The following TIA1 variants were observed in gnomAD, a reference collection of about 807,000 sequenced individuals.
TIA1 encodes the protein TIA1 cytotoxic granule associated RNA binding protein, also known as cytotoxic granule associated RNA binding protein TIA1.
Under a neutral mutation model 65.9 loss-of-function variants are expected in TIA1, and 23 were observed. That is an observed-to-expected ratio of 0.35 (90% CI 0.25 to 0.49). The LOEUF (loss-of-function observed/expected upper bound fraction) is 0.49, where lower values mean the gene tolerates loss of function less well. Ranked by LOEUF, TIA1 falls within the 20% of genes least tolerant of loss-of-function variation. TIA1 has a pLI of 0.98. For missense variants in TIA1, 371 were observed against 477.9 expected (o/e 0.78, Z 2.09); for synonymous variants, 147 against 149.4 (o/e 0.98, Z 0.12).
intron 7 of TIA1, among the ~76,000 whole-genome samples, chr2:70,221,951 C>T (rs1326296059): frequency 6.6e-6 from 1 of 152,008 alleles, no homozygotes; most frequent in Non-Finnish European, 1.5e-5. Flanking sequence ...CCATGCCTGG[C>T]TCATTTTTTG....
chr2:70,224,972 GCTTT>G (rs1683180096), intron 6 of TIA1: 6 of 1,033,950 alleles, frequency 5.8e-6, no homozygotes, highest in African/African-American at 1.7e-5. Flanking sequence ...TAGATGAATG[GCTTT>G]CTTTAACCAT....
In TIA1 at chr2:70,210,708, A is replaced by G. The variant is rs149408088; in HGVS notation, c.*2011T>C. ...GAGAACAATGAGGGTCCTAAAGTAG[A>G]AACATAAGCCAGAAGAAATCTAAAA... On this transcript the variant is annotated 3_prime_UTR_variant, in exon 13 of 13. Coordinates refer to ENST00000433529, the MANE Select transcript of TIA1 (RefSeq NM_022173.4). The G allele has an allele frequency of 2.2e-4, 33 of 152,334 alleles. No homozygotes were observed. Among genetic ancestry groups the G allele is most frequent in the Middle Eastern group, 3.4e-3 (1 of 294 alleles). The allele number at this position is 152,334 out of a possible 1,614,324, so 9.4% of individuals were successfully genotyped here.
intron 2 of TIA1, among the ~76,000 whole-genome samples, chr2:70,231,877 A>T (rs114203804): frequency 0.012 from 1,763 of 152,302 alleles, 39 homozygotes; most frequent in African/African-American, 0.04. Context: ...ACTTTCTGAC[A>T]TCAATTTTTT....
intron 3 of TIA1, 134 bp from the exon 4 acceptor site, chr2:70,229,452 A>G: frequency 1.4e-6 from 1 of 715,862 alleles, no homozygotes; most frequent in Non-Finnish European, 2.3e-6. Context: ...GTCAAGTTTC[A>G]ACACTTAATC....
intron 1 of TIA1, among the ~76,000 whole-genome samples, chr2:70,241,604 A>C (rs1381615788): frequency 6.6e-6 from 1 of 152,058 alleles, no homozygotes; most frequent in Admixed American, 6.6e-5. Context: ...GTTAAGAAAA[A>C]AGAAGTCACG....
At chr2:70,248,323 T>G in intron 1 of TIA1, 82 bp downstream of exon 1, 1 of 1,489,956 alleles carries the variant, frequency 6.7e-7, no homozygotes, top group Non-Finnish European at 9.0e-7. Flanking sequence ...CGGAGAACAA[T>G]AGGCTGGGAG....
Position 70,232,540 on chromosome 2 carries a change from C to CAAAA in TIA1, c.124-1690_124-1687dup, listed in dbSNP as rs70956955. ...GGGCAACAAGAGTGAAACTCTGTCT[C>CAAAA]AAAAAAAAAAAAAAAAAAAAAAAAA... is the stretch of plus-strand genomic sequence containing the variant. On this transcript the variant is annotated intron_variant, in intron 2 of 12. Transcript: ENST00000433529. Among the ~76,000 whole-genome samples, 46 of 40,268 alleles carry CAAAA rather than the reference C, an allele frequency of 1.1e-3. 1 individual carries two copies. In the East Asian group the frequency reaches 0.014, roughly 13 times the overall value. The allele number at this position is 40,268 out of a possible 152,430, so 26.4% of individuals were successfully genotyped here. A position where few individuals can be genotyped will look rare whatever the true frequency, so the allele number is the denominator to read the frequency against.
intron 1 of TIA1, among the ~76,000 whole-genome samples, chr2:70,245,914 ATTTTTTTTTTTT>A (rs199977940): frequency 1.6e-5 from 2 of 124,734 alleles, no homozygotes; most frequent in African/African-American, 6.5e-5. Flanking sequence ...ATTCTACCAG[ATTTTTTTTTTTT>A]TTTTTTTTTT....
intron 2 of TIA1, among the ~76,000 whole-genome samples, chr2:70,235,444 A>T (rs1688404231): frequency 6.6e-6 from 1 of 151,942 alleles, no homozygotes; most frequent in Non-Finnish European, 1.5e-5. Context: ...TTTTCCCCCC[A>T]ACCAGGAGAC....
chr2:70,212,899 A>G, intron 12 of TIA1, 54 bp from the exon 13 acceptor site: 1 of 1,225,948 alleles, frequency 8.2e-7, no homozygotes, highest in Non-Finnish European at 1.2e-6. Context: ...TGATTAAAAT[A>G]AAGTATTGGC....
intron 1 of TIA1, among the ~76,000 whole-genome samples, chr2:70,241,616 T>G (rs565217051): frequency 6.6e-6 from 1 of 151,978 alleles, no homozygotes; most frequent in East Asian, 1.9e-4. Context: ...GAAGTCACGG[T>G]GATTTTGGAG....
chr2:70,239,677 T>C (rs186974907), intron 1 of TIA1, among the ~76,000 whole-genome samples: 2 of 152,308 alleles, frequency 1.3e-5, no homozygotes, highest in Admixed American at 6.5e-5. Context: ...CACGAAGCCT[T>C]TGGAAAAGGT....
chr2:70,236,488 T>C (rs1383384784), intron 1 of TIA1, among the ~76,000 whole-genome samples: 2 of 151,646 alleles, frequency 1.3e-5, no homozygotes, highest in South Asian at 2.1e-4. Context: ...TGTGAGCCAC[T>C]GCACCCGGTT....
chr2:70,213,343 TTC>T (rs1200878584), intron 12 of TIA1, among the ~76,000 whole-genome samples: 1 of 151,334 alleles, frequency 6.6e-6, no homozygotes, highest in African/African-American at 2.4e-5. Context: ...TTCTTTTCTT[TTC>T]TTTTTTTTTT....
intron 12 of TIA1, among the ~76,000 whole-genome samples, chr2:70,213,366 C>T (rs973869940): frequency 1.4e-5 from 2 of 140,310 alleles, no homozygotes; most frequent in African/African-American, 5.3e-5. Flanking sequence ...TTTTTTAAGA[C>T]AGGTTTTCAT....
At chr2:70,248,650 C>A, upstream of TIA1, 1 of 629,586 alleles carries the variant, frequency 1.6e-6, no homozygotes. Flanking sequence ...CTAGGAGCAG[C>A]CAGCAAAGTT....
At chr2:70,236,618 C>A (rs963656088) in intron 1 of TIA1, among the ~76,000 whole-genome samples, 1 of 151,970 alleles carries the variant, frequency 6.6e-6, no homozygotes, top group Non-Finnish European at 1.5e-5. Flanking sequence ...CCACACCCAG[C>A]TCAATTTACC....
intron 3 of TIA1, among the ~76,000 whole-genome samples, chr2:70,229,609 A>T (rs1385246533): frequency 6.6e-6 from 1 of 152,132 alleles, no homozygotes; most frequent in African/African-American, 2.4e-5. Flanking sequence ...TGAGTAATTC[A>T]GCAAATATTT....
rs912146134 is a variant in TIA1, at chr2:70,212,782, T to C, written c.1098A>G (p.Gln366=). 3 of 1,614,208 alleles carry C rather than the reference T, an allele frequency of 1.9e-6. No homozygotes were observed. Among genetic ancestry groups the C allele is most frequent in the East Asian group, 2.2e-5 (1 of 44,884 alleles). ...PNYGVQPPQG[Q]NGSMLPNQPS... is the part of the protein sequence containing the mutation. Reference sequence around the variant, plus strand: ...GCTGATTGGGCAACATGCTGCCATTTTGCCCTTGAGGCGGTTGCACTCCAT... The same window carrying C: ...GCTGATTGGGCAACATGCTGCCATTCTGCCCTTGAGGCGGTTGCACTCCAT... Residue 366 remains glutamine, a synonymous_variant, in exon 13 of 13, where the codon CAA becomes CAG. Transcript: ENST00000433529.
Sources: allele counts gnomAD v4.1 joint callset (sites outside exome capture counted in the v4.1 genomes callset), GRCh38; gene constraint gnomAD v4.1.1; transcripts MANE v1.5; gene names NCBI Gene and HGNC (gene_info 2026-07-23, HGNC 2026-07-21).